CDH13: variants seen among roughly 807,000 people sequenced by gnomAD.
The protein encoded by CDH13 is cadherin-13.
Under a neutral mutation model 63.8 loss-of-function variants are expected in CDH13, and 24 were observed. That is an observed-to-expected ratio of 0.38 (90% CI 0.27 to 0.53). CDH13 has a LOEUF of 0.53. Ranked by LOEUF, CDH13 falls within the 20% of genes least tolerant of loss-of-function variation. The pLI, the probability that CDH13 is intolerant of heterozygous loss-of-function variation, is 0.85. For missense variants in CDH13, 1,049 were observed against 903.1 expected (o/e 1.16, Z -2.07); for synonymous variants, 503 against 355.3 (o/e 1.42, Z -4.67).
At chr16:82,627,535 G>A (rs1220421638) in intron 1 of CDH13, among the ~76,000 whole-genome samples, 2 of 152,174 alleles carry the variant, frequency 1.3e-5, no homozygotes, top group African/African-American at 4.8e-5. Flanking sequence ...CCAACGAGCC[G>A]CGGTTTTCCC....
At chr16:83,724,434 A>G (rs1336368018) in intron 10 of CDH13, among the ~76,000 whole-genome samples, 1 of 150,832 alleles carries the variant, frequency 6.6e-6, no homozygotes, top group African/African-American at 2.5e-5. Context: ...TGAGGAATGC[A>G]TGGGTGGATG....
At position 83,731,917 on chromosome 16, in the gene CDH13, C is replaced by T. The variant is rs149348139; in HGVS notation, c.1539-16191C>T. 1.1e-3 allele frequency among the ~76,000 whole-genome samples: 160 copies of T among 152,240 alleles called. 2 individuals carry two copies. The East Asian group carries it at 0.028, about 26-fold the overall frequency. On this transcript the variant is annotated intron_variant, in intron 10 of 13. Coordinates refer to ENST00000567109, the MANE Select transcript of CDH13 (RefSeq NM_001257.5). ...TGCTGCATGACAGGTAGCAGGTAGT[C>T]GATAAATGCCAGTTGTGAATATTGC...
intron 2 of CDH13, among the ~76,000 whole-genome samples, chr16:83,018,045 A>G (rs1441393138): frequency 6.6e-6 from 1 of 152,254 alleles, no homozygotes; most frequent in Non-Finnish European, 1.5e-5. Flanking sequence ...TTTTAAAAAA[A>G]TACAGTAATC....
intron 6 of CDH13, among the ~76,000 whole-genome samples, chr16:83,449,186 A>G (rs1296616633): frequency 2.0e-5 from 3 of 152,346 alleles, no homozygotes; most frequent in South Asian, 2.1e-4. Flanking sequence ...ACAATGATCT[A>G]TAATGATCTA....
chr16:82,805,761 C>T (rs976945233), intron 1 of CDH13, among the ~76,000 whole-genome samples: 3 of 152,168 alleles, frequency 2.0e-5, no homozygotes, highest in Non-Finnish European at 4.4e-5. Flanking sequence ...CAAGTTCCAT[C>T]TTAAAGACAT....
In CDH13 at chr16:82,877,950, CACACACACACATAT is replaced by C. The variant is rs200420331; in HGVS notation, c.157+19489_157+19502del. The stretch of plus-strand genomic sequence containing the variant: ...ACACACACACACACACACACACACA[CACACACACACATAT>C]ACACACACACACACTCTATATATGT... On this transcript the variant is annotated intron_variant, in intron 2 of 13. Coordinates refer to ENST00000567109, the MANE Select transcript of CDH13 (RefSeq NM_001257.5). Among the ~76,000 whole-genome samples, 1,291 of 136,526 alleles carry C rather than the reference CACACACACACATAT, an allele frequency of 9.5e-3. 21 individuals carry two copies. In the East Asian group the frequency reaches 0.12, roughly 13 times the overall value. 89.6% of individuals were successfully genotyped at this position (136,526 alleles called of 152,430 possible). A position where few individuals can be genotyped will look rare whatever the true frequency, so the allele number is the denominator to read the frequency against.
intron 1 of CDH13, among the ~76,000 whole-genome samples, chr16:82,684,398 G>C (rs891475377): frequency 3.9e-5 from 6 of 152,100 alleles, no homozygotes; most frequent in Non-Finnish European, 8.8e-5. Flanking sequence ...TGTTTTGTGG[G>C]TCAACTCACA....
At chr16:83,043,997 A>C (rs1171092337) in intron 3 of CDH13, among the ~76,000 whole-genome samples, 5 of 152,222 alleles carry the variant, frequency 3.3e-5, no homozygotes, top group Admixed American at 6.5e-5. Flanking sequence ...TGAATAGCTA[A>C]GGATTAGATA....
chr16:82,691,706 C>T (rs997054250), intron 1 of CDH13, among the ~76,000 whole-genome samples: 15 of 152,234 alleles, frequency 9.9e-5, no homozygotes, highest in South Asian at 2.1e-4. Flanking sequence ...AACCTTTCCT[C>T]GGGCTTCAGA....
chr16:83,554,283 C>G (rs936477800), intron 7 of CDH13, among the ~76,000 whole-genome samples: 1 of 151,412 alleles, frequency 6.6e-6, no homozygotes, highest in Admixed American at 6.6e-5. Context: ...ATCACAGGAT[C>G]CCTGGAGACA....
At chr16:82,799,006 T>C (rs2036722201) in intron 1 of CDH13, among the ~76,000 whole-genome samples, 1 of 152,188 alleles carries the variant, frequency 6.6e-6, no homozygotes, top group Non-Finnish European at 1.5e-5. Flanking sequence ...CTGGGCAGTC[T>C]ATCACCAGAG....
At chr16:82,811,585 A>AT (rs1283004213) in intron 1 of CDH13, among the ~76,000 whole-genome samples, 3 of 152,156 alleles carry the variant, frequency 2.0e-5, no homozygotes, top group African/African-American at 4.8e-5. Context: ...ATAAGGGTGC[A>AT]TTTTTCCATT....
At position 83,249,159 on chromosome 16, in the gene CDH13, G is replaced by A. The variant is rs528986376; in HGVS notation, c.636+31662G>A. Among the ~76,000 whole-genome samples the A allele has an allele frequency of 3.3e-5, 5 of 152,316 alleles. 1 individual carries two copies. The highest frequency in any genetic ancestry group is 9.6e-5 in the African/African-American group (4 of 41,564). ...CTCCCTGAGTGAGTCCCTTTTGCAA[G>A]TTATTAATATATGTCACACAGAGCC... is the stretch of plus-strand genomic sequence containing the variant. On this transcript the variant is annotated intron_variant, in intron 5 of 13. Transcript: ENST00000567109.
In CDH13 at chr16:82,858,419, G is replaced by A; in HGVS notation, c.103G>A (p.Val35Met). The change falls in exon 2 of 14, where the codon GTG (valine) becomes ATG (methionine). Residue 35 changes from valine (V) to methionine (M), a missense_variant. Physicochemically the swap from Val to Met is conservative, Grantham distance 21 (BLOSUM62 1). Transcript: ENST00000567109. ...LDCTPGFQQK[V>M]FHINQPAEFI... ...CTGCACTCCTGGATTTCAGCAGAAA[G>A]TGTTCCATATCAATCAGCCAGCTGA... The A allele has an allele frequency of 2.5e-6, 4 of 1,613,904 alleles. No individual in the cohort carries two copies. Among genetic ancestry groups the A allele is most frequent in the Non-Finnish European group, 3.4e-6 (4 of 1,179,784 alleles).
At chr16:83,679,128 T>C (rs1915198426) in intron 10 of CDH13, among the ~76,000 whole-genome samples, 1 of 152,184 alleles carries the variant, frequency 6.6e-6, no homozygotes, top group Admixed American at 6.5e-5. Flanking sequence ...GAAATTTCTG[T>C]CTTCATTTCT....
intron 2 of CDH13, among the ~76,000 whole-genome samples, chr16:82,866,507 G>A (rs2040151099): frequency 6.9e-6 from 1 of 145,398 alleles, no homozygotes; most frequent in South Asian, 2.2e-4. Context: ...TCCTGCCTCA[G>A]CTTCCTGAGT....
At chr16:82,783,843 G>T (rs1478694190) in intron 1 of CDH13, among the ~76,000 whole-genome samples, 1 of 152,122 alleles carries the variant, frequency 6.6e-6, no homozygotes. Flanking sequence ...TGGTAATCAG[G>T]CTCTCTGCAT....
intron 1 of CDH13, among the ~76,000 whole-genome samples, chr16:82,813,514 T>G (rs2037552874): frequency 6.6e-6 from 1 of 151,942 alleles, no homozygotes; most frequent in Admixed American, 6.6e-5. Context: ...GTGCAGAGAG[T>G]GCTTTTCTGT....
chr16:82,746,216 T>TTA (rs1183319133), intron 1 of CDH13, among the ~76,000 whole-genome samples: 1 of 95,732 alleles, frequency 1.0e-5, no homozygotes. Flanking sequence ...AACACACTGT[T>TTA]TATATATATG....
Sources: gnomAD v4.1 joint callset for allele counts (sites outside exome capture counted in the v4.1 genomes callset) on GRCh38, gnomAD v4.1.1 for gene constraint, MANE v1.5 for transcripts, NCBI Gene and HGNC (gene_info 2026-07-23, HGNC 2026-07-21) for gene names.